Variants in DOCK1 observed in about 807,000 individuals in gnomAD.
DOCK1 encodes the protein dedicator of cytokinesis 1.
DOCK1 carries 138 observed loss-of-function variants against 262.7 expected under a neutral mutation model. The observed-to-expected ratio is 0.53, with a 90% CI of 0.46 to 0.61. The LOEUF is 0.61. Among genes scored for constraint, DOCK1 ranks in the 20% least tolerant of loss-of-function variants. The pLI is 0.00. For missense variants in DOCK1, 1,908 were observed against 2,370.7 expected (o/e 0.80, Z 4.05); for synonymous variants, 866 against 867.4 (o/e 1.00, Z 0.03).
At chr10:127,397,057 G>T (rs1432497220) in intron 38 of DOCK1, among the ~76,000 whole-genome samples, 12 of 140,436 alleles carry the variant, frequency 8.5e-5, no homozygotes, top group African/African-American at 3.4e-4. Flanking sequence ...TATGTGATCT[G>T]AGCATGAGTT....
chr10:127,315,652 G>T (rs1220771303), intron 29 of DOCK1, among the ~76,000 whole-genome samples: 1 of 152,158 alleles, frequency 6.6e-6, no homozygotes, highest in Non-Finnish European at 1.5e-5. Flanking sequence ...ACCAATCTTT[G>T]TTATGAGAGC....
intron 31 of DOCK1, among the ~76,000 whole-genome samples, chr10:127,346,985 G>A (rs1218930685): frequency 1.3e-5 from 2 of 152,222 alleles, no homozygotes; most frequent in Non-Finnish European, 2.9e-5. Flanking sequence ...CCTGAGATAA[G>A]ACTGCCTTGA....
chr10:126,950,710 T>G (rs2134388659), intron 1 of DOCK1, among the ~76,000 whole-genome samples: 1 of 152,278 alleles, frequency 6.6e-6, no homozygotes, highest in South Asian at 2.1e-4. Flanking sequence ...CCTCCTGCTC[T>G]TTGCCTCAGA....
At chr10:127,295,341 G>A (rs1011560653) in intron 29 of DOCK1, among the ~76,000 whole-genome samples, 13 of 152,058 alleles carry the variant, frequency 8.5e-5, no homozygotes, top group African/African-American at 1.9e-4. Flanking sequence ...ACCAGCTTTC[G>A]TGTGAACTAT....
intron 2 of DOCK1, among the ~76,000 whole-genome samples, chr10:126,971,090 G>A (rs531633208): frequency 7.4e-5 from 11 of 149,454 alleles, no homozygotes; most frequent in African/African-American, 2.0e-4. Flanking sequence ...TTGCTCTGTC[G>A]CACAGGCTGG....
At chr10:127,382,214 A>C (rs1448469581) in intron 37 of DOCK1, among the ~76,000 whole-genome samples, 2 of 152,346 alleles carry the variant, frequency 1.3e-5, no homozygotes, top group Admixed American at 1.3e-4. Context: ...AAAAACCAAA[A>C]ATGTAATGAA....
chr10:126,926,037 C>A (rs1037013216), intron 1 of DOCK1, among the ~76,000 whole-genome samples: 1 of 151,966 alleles, frequency 6.6e-6, no homozygotes, highest in Non-Finnish European at 1.5e-5. Context: ...CCGCTCTGAG[C>A]CTCAGTTTGC....
chr10:126,998,390 G>A, intron 8 of DOCK1, 141 bp downstream of exon 8: 1 of 1,201,468 alleles, frequency 8.3e-7, no homozygotes, highest in Non-Finnish European at 1.2e-6. Context: ...CGAGTCAAGA[G>A]CTGTCTTAGA....
chr10:127,190,581 C>A (rs1167525), intron 27 of DOCK1, among the ~76,000 whole-genome samples: 1 of 150,422 alleles, frequency 6.6e-6, no homozygotes, highest in Non-Finnish European at 1.5e-5. Context: ...CATTCTAGGA[C>A]GTAAGAGATA....
At chr10:127,380,752 G>A (rs2065781852) in intron 36 of DOCK1, among the ~76,000 whole-genome samples, 1 of 152,124 alleles carries the variant, frequency 6.6e-6, no homozygotes, top group African/African-American at 2.4e-5. Context: ...CACAGCATGA[G>A]TTTTTAGTGA....
rs921904485 is a variant in DOCK1, at chr10:127,355,594, C to A, written c.3283+867C>A. Among the ~76,000 whole-genome samples, 4 of 152,206 alleles carry A rather than the reference C, an allele frequency of 2.6e-5. No homozygotes were observed. The East Asian group carries it at 5.8e-4, about 22-fold the overall frequency. On this transcript the variant is annotated intron_variant, in intron 32 of 51. Transcript: ENST00000623213. ...CCTTCCTTCAAATGGACACGAGAAG[C>A]CTGCATTGGCCTGTTGCAAGAAACC...
intron 11 of DOCK1, among the ~76,000 whole-genome samples, chr10:127,011,508 T>G (rs2041439398): frequency 6.6e-6 from 1 of 152,234 alleles, no homozygotes; most frequent in African/African-American, 2.4e-5. Flanking sequence ...CATTTCATAG[T>G]GCACTTCGCT....
At chr10:127,399,791 G>A (rs2067116463) in intron 38 of DOCK1, among the ~76,000 whole-genome samples, 1 of 152,152 alleles carries the variant, frequency 6.6e-6, no homozygotes. Context: ...GAAAGGTAAT[G>A]TTCTCTTTGA....
intron 4 of DOCK1, among the ~76,000 whole-genome samples, chr10:126,984,539 T>G (rs1350950763): frequency 6.6e-6 from 1 of 151,302 alleles, no homozygotes; most frequent in Non-Finnish European, 1.5e-5. Flanking sequence ...GTGTGTGTTT[T>G]TTTTTTTTCA....
At chr10:127,410,585 C>T (rs2067786836) in intron 42 of DOCK1, among the ~76,000 whole-genome samples, 2 of 152,166 alleles carry the variant, frequency 1.3e-5, no homozygotes, top group African/African-American at 2.4e-5. Context: ...TCTGTTTTTG[C>T]TCATTTCACT....
At chr10:127,152,936 C>T (rs1364952717) in intron 27 of DOCK1, among the ~76,000 whole-genome samples, 1 of 152,184 alleles carries the variant, frequency 6.6e-6, no homozygotes, top group Non-Finnish European at 1.5e-5. Context: ...CTAGGCTTTC[C>T]CTTGGGAGAG....
intron 37 of DOCK1, 106 bp downstream of exon 37, chr10:127,381,474 G>C (rs577939591): frequency 1.0e-6 from 1 of 971,678 alleles, no homozygotes; most frequent in Non-Finnish European, 1.5e-6. Flanking sequence ...ATAACTTAAG[G>C]TTTTATGAAA....
At chr10:126,905,647 C>T in intron 1 of DOCK1, 84 bp downstream of exon 1, 1 of 205,894 alleles carries the variant, frequency 4.9e-6, no homozygotes, top group East Asian at 9.9e-5. Flanking sequence ...GTTGCCGCCG[C>T]CCCGAGCGGC....
chr10:127,125,427 C>T (rs374524102), intron 25 of DOCK1, 47 bp from the exon 26 acceptor site: 3 of 1,605,266 alleles, frequency 1.9e-6, no homozygotes, highest in Admixed American at 1.7e-5. Flanking sequence ...ACACGAGTTG[C>T]GTCTTGGTGG....
Sources: allele counts gnomAD v4.1 joint callset (sites outside exome capture counted in the v4.1 genomes callset), GRCh38; gene constraint gnomAD v4.1.1; transcripts MANE v1.5; gene names NCBI Gene and HGNC (gene_info 2026-07-23, HGNC 2026-07-21).